Variants in MICAL2 observed in about 807,000 individuals in gnomAD.
MICAL2 encodes [F-actin]-monooxygenase MICAL2.
Under a neutral mutation model 127.3 loss-of-function variants are expected in MICAL2, and 77 were observed. The observed-to-expected ratio is 0.60, with a 90% confidence interval of 0.50 to 0.73. MICAL2 has a LOEUF of 0.73. Ranked by LOEUF, MICAL2 falls within the 30% of genes least tolerant of loss-of-function variation. The probability of loss-of-function intolerance (pLI) is 0.00; values close to 1 mark genes in which losing one functional copy is unlikely to be tolerated. For missense variants in MICAL2, 1,351 were observed against 1,434.4 expected (o/e 0.94, Z 0.94); for synonymous variants, 570 against 551.1 (o/e 1.03, Z -0.48).
chr11:12,266,521 T>A (rs770098910), downstream of MICAL2, among the ~76,000 whole-genome samples: 12 of 152,248 alleles, frequency 7.9e-5, no homozygotes, highest in Non-Finnish European at 1.6e-4. Context: ...ATAGGGAACA[T>A]TTTCTCTGTG....
Position 12,241,126 on chromosome 11 carries a change from G to A in MICAL2, c.2301G>A (p.Glu767=), listed in dbSNP as rs1186942924. 6.2e-7 allele frequency: 1 copy of A among 1,614,138 alleles called. No homozygotes were observed. The highest frequency in any genetic ancestry group is 1.1e-5 in the South Asian group (1 of 91,078). Residue 767 remains glutamate, a synonymous_variant, in exon 18 of 28, where the codon GAG becomes GAA. Coordinates refer to ENST00000683283, the MANE Select transcript of MICAL2 (RefSeq NM_001282663.2). The part of the protein sequence containing the change: ...PVHSCCPKPE[E]ATPSPSPPLK... ...ACTCTTGCTGCCCCAAGCCGGAGGA[G>A]GCCACACCCAGCCCATCACCTCCTC...
intron 7 of MICAL2, 36 bp downstream of exon 7, chr11:12,213,446 T>C: frequency 6.3e-7 from 1 of 1,597,350 alleles, no homozygotes; most frequent in Non-Finnish European, 8.5e-7. Context: ...CAGGCCAAGG[T>C]CTAAAGTTTG....
At chr11:12,278,701 G>A (rs1863743841) in intron 1 of MICAL2, among the ~76,000 whole-genome samples, 1 of 152,236 alleles carries the variant, frequency 6.6e-6, no homozygotes, top group African/African-American at 2.4e-5. Context: ...GTCAGGATGG[G>A]AGCAGTGGAG....
At chr11:12,203,966 G>A (rs1179561633) in intron 3 of MICAL2, among the ~76,000 whole-genome samples, 1 of 152,216 alleles carries the variant, frequency 6.6e-6, no homozygotes, top group East Asian at 1.9e-4. Context: ...CTTCAACCCA[G>A]TTCACTTTGA....
At chr11:12,207,732 T>A (rs1854901620) in intron 4 of MICAL2, 1 of 276,194 alleles carries the variant, frequency 3.6e-6, no homozygotes, top group Non-Finnish European at 6.8e-6. Context: ...ATCAGACAGA[T>A]GTGGGTCCAT....
chr11:12,186,674 C>T (rs4756791), intron 3 of MICAL2, among the ~76,000 whole-genome samples: 147,855 of 152,302 alleles, frequency 0.97, 72,003 homozygotes, highest in Non-Finnish European at 1. Context: ...GAGAGATGGA[C>T]CCAGGGAAGG....
At chr11:12,221,894 C>A in intron 10 of MICAL2, 135 bp downstream of exon 10, 1 of 611,608 alleles carries the variant, frequency 1.6e-6, no homozygotes, top group Non-Finnish European at 2.8e-6. Context: ...CATGTGTGGC[C>A]TGATTTGATC....
chr11:12,155,490 A>G (rs1854079675), intron 2 of MICAL2, among the ~76,000 whole-genome samples: 1 of 152,164 alleles, frequency 6.6e-6, no homozygotes, highest in Non-Finnish European at 1.5e-5. Flanking sequence ...ACCCCTGCAA[A>G]CATACACACG....
chr11:12,286,787 A>G (rs1863832068), intron 2 of MICAL2: 1 of 211,202 alleles, frequency 4.7e-6, no homozygotes, highest in Non-Finnish European at 9.4e-6. Context: ...AGGTGGGAGT[A>G]TCATTTGAGC....
At chr11:12,355,831 G>A (rs901400907) in intron 34 of MICAL2, among the ~76,000 whole-genome samples, 2 of 152,120 alleles carry the variant, frequency 1.3e-5, no homozygotes, top group African/African-American at 4.8e-5. Context: ...TTTCTTTATA[G>A]CAACAGAATT....
downstream of MICAL2, among the ~76,000 whole-genome samples, chr11:12,296,656 C>T (rs1863989443): frequency 2.0e-5 from 3 of 151,658 alleles, no homozygotes. Flanking sequence ...AGTCCTCTTT[C>T]CCTTCCTTGT....
chr11:12,361,320 T>C (rs1185944179), downstream of MICAL2, among the ~76,000 whole-genome samples: 1 of 152,176 alleles, frequency 6.6e-6, no homozygotes, highest in East Asian at 1.9e-4. Context: ...GCCCATGGGG[T>C]TCTGCAGCCC....
At chr11:12,201,036 C>T (rs949514495) in intron 3 of MICAL2, among the ~76,000 whole-genome samples, 1 of 152,182 alleles carries the variant, frequency 6.6e-6, no homozygotes, top group Non-Finnish European at 1.5e-5. Context: ...GGCTTGGAGT[C>T]GTGCTTTGAA....
At chr11:12,217,724 C>T (rs548446322) in intron 8 of MICAL2, among the ~76,000 whole-genome samples, 7 of 152,264 alleles carry the variant, frequency 4.6e-5, no homozygotes, top group African/African-American at 1.2e-4. Flanking sequence ...CATGGCAACT[C>T]GCTTCCCTGG....
At chr11:12,129,636 CTTTTTTT>C (rs559528778) in intron 1 of MICAL2, among the ~76,000 whole-genome samples, 2 of 97,466 alleles carry the variant, frequency 2.1e-5, no homozygotes, top group African/African-American at 4.6e-5. Flanking sequence ...TCTTCTTCTT[CTTTTTTT>C]TTTTTTTTTT....
chr11:12,223,052 T>A (rs943556812), intron 11 of MICAL2, among the ~76,000 whole-genome samples: 2 of 152,222 alleles, frequency 1.3e-5, no homozygotes, highest in Non-Finnish European at 2.9e-5. Context: ...CCAAATATGA[T>A]CTCTGCATAC....
At chr11:12,282,281 C>T (rs1321469035) in intron 2 of MICAL2, among the ~76,000 whole-genome samples, 1 of 152,134 alleles carries the variant, frequency 6.6e-6, no homozygotes, top group East Asian at 1.9e-4. Flanking sequence ...AAAGGCTCAG[C>T]ACTGGCACTG....
chr11:12,342,439 T>C (rs1938882375), intron 32 of MICAL2, among the ~76,000 whole-genome samples: 1 of 152,240 alleles, frequency 6.6e-6, no homozygotes, highest in Admixed American at 6.5e-5. Context: ...TTTTGTTAAC[T>C]TCATTTTAAG....
At chr11:12,304,890 T>C (rs564973397) in intron 29 of MICAL2, among the ~76,000 whole-genome samples, 1 of 152,310 alleles carries the variant, frequency 6.6e-6, no homozygotes, top group South Asian at 2.1e-4. Context: ...TCTTCAACAT[T>C]GTCTTAGTAT....
Sources: allele counts gnomAD v4.1 joint callset (sites outside exome capture counted in the v4.1 genomes callset), GRCh38; gene constraint gnomAD v4.1.1; transcripts MANE v1.5; gene names NCBI Gene and HGNC (gene_info 2026-07-23, HGNC 2026-07-21).